LANCL2: variants seen among roughly 807,000 people sequenced by gnomAD.
LANCL2 encodes LanC like glutathione S-transferase 2, also known as lanC-like protein 2.
A neutral mutation model predicts 56.9 loss-of-function variants in LANCL2; 33 were observed. The ratio of observed to expected loss-of-function variants is 0.58; its 90% CI spans 0.44 to 0.78. LANCL2 has a LOEUF of 0.78. Among genes scored for constraint, LANCL2 ranks in the 30% least tolerant of loss-of-function variants. The pLI, the probability that LANCL2 is intolerant of heterozygous loss-of-function variation, is 0.00. For missense variants in LANCL2, 562 were observed against 580.2 expected, an observed-to-expected ratio of 0.97 and a Z score of 0.32; for synonymous variants, 233 against 228.2, an observed-to-expected ratio of 1.02 and a Z score of -0.19.
intron 7 of LANCL2, chr7:55,428,105 G>C (rs1229605257): frequency 3.9e-6 from 2 of 513,262 alleles, no homozygotes; most frequent in Non-Finnish European, 7.0e-6. Context: ...GTGCCAGGGA[G>C]AACAGAGTGT....
chr7:55,374,876 A>C (rs1055190408), intron 1 of LANCL2, among the ~76,000 whole-genome samples: 1 of 152,220 alleles, frequency 6.6e-6, no homozygotes, highest in Non-Finnish European at 1.5e-5. Flanking sequence ...TATTTTTATC[A>C]TCTTTAAAAT....
At chr7:55,385,906 C>G (rs917612444) in intron 1 of LANCL2, among the ~76,000 whole-genome samples, 1 of 152,172 alleles carries the variant, frequency 6.6e-6, no homozygotes, top group Non-Finnish European at 1.5e-5. Context: ...GTTCAGAGAC[C>G]TACCCCTAGG....
At chr7:55,380,247 C>T (rs1790050988) in intron 1 of LANCL2, among the ~76,000 whole-genome samples, 1 of 152,134 alleles carries the variant, frequency 6.6e-6, no homozygotes, top group Non-Finnish European at 1.5e-5. Context: ...TGTAAATATG[C>T]ACGTTGAAAT....
At chr7:55,395,532 G>T (rs1790240522) in intron 2 of LANCL2, among the ~76,000 whole-genome samples, 1 of 152,122 alleles carries the variant, frequency 6.6e-6, no homozygotes, top group Admixed American at 6.5e-5. Context: ...GAGCACCGGG[G>T]CAGAGTGTCC....
At position 55,378,533 on chromosome 7, in the gene LANCL2, C is replaced by CGTGT. The variant is rs71031838; in HGVS notation, c.204+12323_204+12326dup. Among the ~76,000 whole-genome samples the CGTGT allele has an allele frequency of 3.9e-3, 593 of 150,358 alleles. 5 individuals carry two copies. The highest frequency in any genetic ancestry group is 0.014 in the African/African-American group (563 of 41,076). ...ATGTATATGTGTATATATATGTATA[C>CGTGT]GTGTGTGTGTGTGTGTGTGTGTATG... On this transcript the variant is annotated intron_variant, in intron 1 of 8. Coordinates refer to ENST00000254770, the MANE Select transcript of LANCL2 (RefSeq NM_018697.4).
intron 6 of LANCL2, among the ~76,000 whole-genome samples, chr7:55,420,622 T>C (rs980716651): frequency 2.0e-5 from 3 of 152,206 alleles, no homozygotes; most frequent in Non-Finnish European, 4.4e-5. Flanking sequence ...ATGACCCAGA[T>C]AGTAAATATT....
rs370754371 is a variant in LANCL2 at position 55,389,112 on chromosome 7, G to A, written c.205-2681G>A. 5.9e-5 allele frequency among the ~76,000 whole-genome samples: 9 copies of A among 152,312 alleles called. No homozygotes were observed. The East Asian group carries it at 9.6e-4, about 16-fold the overall frequency. ...CTTTTGGTTATAAAAGACTAAGGAA[G>A]CGAATTTGATGTTTTTCTGCATAGG... On this transcript the variant is annotated intron_variant, in intron 1 of 8. Transcript: ENST00000254770.
At chr7:55,368,479 A>G (rs1789900261) in intron 1 of LANCL2, among the ~76,000 whole-genome samples, 1 of 152,210 alleles carries the variant, frequency 6.6e-6, no homozygotes. Flanking sequence ...TAGTGATTTT[A>G]AAAGGTGGAA....
chr7:55,410,650 A>T (rs1413877808), intron 5 of LANCL2, among the ~76,000 whole-genome samples: 6 of 152,232 alleles, frequency 3.9e-5, no homozygotes, highest in Admixed American at 3.9e-4. Context: ...TCTATCTCAG[A>T]CTTTAGCAAT....
At chr7:55,429,170 T>C (rs1446886672) in intron 8 of LANCL2, among the ~76,000 whole-genome samples, 2 of 152,110 alleles carry the variant, frequency 1.3e-5, no homozygotes, top group Admixed American at 1.3e-4. Context: ...AGGGTCATAC[T>C]GACCTAATAA....
At chr7:55,402,710 C>T (rs1183531322) in intron 5 of LANCL2, among the ~76,000 whole-genome samples, 7 of 126,360 alleles carry the variant, frequency 5.5e-5, no homozygotes, top group Admixed American at 3.6e-4. Context: ...TGACCCCCAC[C>T]TCCCTCCCAG....
chr7:55,429,746 A>G (rs2128996997), intron 8 of LANCL2, among the ~76,000 whole-genome samples: 1 of 152,400 alleles, frequency 6.6e-6, no homozygotes, highest in Non-Finnish European at 1.5e-5. Context: ...GAGTTTATCA[A>G]CTTGATAATA....
At chr7:55,386,044 G>A (rs1204515929) in intron 1 of LANCL2, among the ~76,000 whole-genome samples, 1 of 152,150 alleles carries the variant, frequency 6.6e-6, no homozygotes, top group African/African-American at 2.4e-5. Flanking sequence ...CAGAGTTTAA[G>A]GTTATCTCTC....
Position 55,412,008 on chromosome 7 carries a change from A to G in LANCL2, c.927A>G (p.Ser309=). 6.2e-7 allele frequency: 1 copy of G among 1,614,262 alleles called. No homozygotes were observed. Among genetic ancestry groups the G allele is most frequent in the Non-Finnish European group, 8.5e-7 (1 of 1,180,040 alleles). ...KKFRSGNYPS[S]LSNETDRLVH... ...TCCGATCTGGGAATTACCCATCATC[A>G]TTAAGCAATGAAACAGACCGGCTGG... is the stretch of plus-strand genomic sequence containing the variant. Residue 309 remains serine (S), a synonymous_variant, in exon 6 of 9, where the codon TCA becomes TCG. Transcript: ENST00000254770.
intron 1 of LANCL2, among the ~76,000 whole-genome samples, chr7:55,378,991 C>T (rs574174543): frequency 2.0e-5 from 3 of 152,214 alleles, no homozygotes; most frequent in African/African-American, 7.2e-5. Flanking sequence ...AATTAGCCAG[C>T]CTGGTTGCAG....
chr7:55,412,055 C>CGG lies in LANCL2; in HGVS notation c.978_979dup (p.Val327GlyfsTer19). The CGG allele has an allele frequency of 6.2e-7, 1 of 1,614,150 alleles. No homozygotes were observed. Among genetic ancestry groups the CGG allele is most frequent in the Non-Finnish European group, 8.5e-7 (1 of 1,180,018 alleles). The stretch of plus-strand genomic sequence containing the variant: ...CTGGTGCACTGGTGCCACGGCGCCC[C>CGG]GGGGGTCATCCACATGCTCATGCAG... On this transcript the variant is annotated frameshift_variant, in exon 6 of 9. Coordinates refer to ENST00000254770, the MANE Select transcript of LANCL2 (RefSeq NM_018697.4). LOFTEE classifies it high-confidence loss of function.
At chr7:55,370,304 A>G (rs1010362833) in intron 1 of LANCL2, among the ~76,000 whole-genome samples, 3 of 152,240 alleles carry the variant, frequency 2.0e-5, no homozygotes, top group Non-Finnish European at 4.4e-5. Flanking sequence ...AGCTGCAGTC[A>G]TTGTATTTAT....
chr7:55,422,476 G>A (rs1227495247), intron 6 of LANCL2, among the ~76,000 whole-genome samples: 2 of 152,238 alleles, frequency 1.3e-5, no homozygotes, highest in South Asian at 2.1e-4. Context: ...ACTGTTACAT[G>A]CCTAGATGTA....
At chr7:55,366,749 A>AGC (rs1197378422) in intron 1 of LANCL2, among the ~76,000 whole-genome samples, 6 of 152,242 alleles carry the variant, frequency 3.9e-5, no homozygotes, top group Non-Finnish European at 5.9e-5. Flanking sequence ...GGTGGGTCAG[A>AGC]GCGTTACATT....
Sources: allele counts gnomAD v4.1 joint callset (sites outside exome capture counted in the v4.1 genomes callset), GRCh38; gene constraint gnomAD v4.1.1; transcripts MANE v1.5; gene names NCBI Gene and HGNC (gene_info 2026-07-23, HGNC 2026-07-21).